Variants in SFRP1 observed in about 807,000 individuals in gnomAD.
SFRP1 encodes secreted frizzled related protein 1.
In SFRP1, 9 loss-of-function variants were observed where a neutral mutation model predicts 25.9. The ratio of observed to expected loss-of-function variants is 0.35; its 90% CI spans 0.21 to 0.61. The LOEUF (loss-of-function observed/expected upper bound fraction) is 0.61, where lower values mean the gene tolerates loss of function less well. SFRP1 is among the 20% of genes least tolerant of loss of function. The pLI, the probability that SFRP1 is intolerant of heterozygous loss-of-function variation, is 0.78. For synonymous variants in SFRP1, 178 were observed against 174.0 expected (o/e 1.02, Z -0.18); for missense variants, 346 against 418.2 (o/e 0.83, Z 1.51).
rs187325783 is a variant in SFRP1, at chr8:41,293,342, C to T, written c.622+10119G>A. 1.9e-3 allele frequency among the ~76,000 whole-genome samples: 293 copies of T among 152,350 alleles called. 1 individual carries two copies. The highest frequency in any genetic ancestry group is 6.8e-3 in the Middle Eastern group (2 of 294). On this transcript the variant is annotated intron_variant, in intron 2 of 2. Transcript: ENST00000220772. ...TCCCCCTCCCATGCCTTGATGCAGCCTTTGAGTCCCCACGCTGTGGGCCAG... is the reference window on the plus strand; with the variant it reads ...TCCCCCTCCCATGCCTTGATGCAGCTTTTGAGTCCCCACGCTGTGGGCCAG...
At chr8:41,275,118 G>A (rs1262028547) in intron 2 of SFRP1, 1 of 423,896 alleles carries the variant, frequency 2.4e-6, no homozygotes, top group African/African-American at 2.1e-5. Context: ...TATTTACTTA[G>A]AACTGGAAGA....
intron 2 of SFRP1, among the ~76,000 whole-genome samples, chr8:41,289,919 G>C (rs1249718976): frequency 1.3e-5 from 2 of 152,242 alleles, no homozygotes; most frequent in Non-Finnish European, 2.9e-5. Context: ...TGCTGGGGGA[G>C]GAAGTGACCC....
At chr8:41,283,555 A>C (rs1803661455) in intron 2 of SFRP1, among the ~76,000 whole-genome samples, 1 of 150,734 alleles carries the variant, frequency 6.6e-6, no homozygotes, top group Non-Finnish European at 1.5e-5. Flanking sequence ...ATAGAAACTA[A>C]AAAAAAAAAT....
rs1192144648 is a variant in SFRP1 at position 41,308,796 on chromosome 8, G to A, written c.364C>T (p.Leu122=). The A allele has an allele frequency of 6.2e-7, 1 of 1,611,094 alleles. No individual in the cohort carries two copies. Among genetic ancestry groups the A allele is most frequent in the Non-Finnish European group, 8.5e-7 (1 of 1,179,238 alleles). Residue 122 remains leucine (L), a synonymous_variant, in exon 1 of 3, where the codon CTG becomes TTG. Coordinates refer to ENST00000220772, the MANE Select transcript of SFRP1 (RefSeq NM_003012.5). ...FLCSLFAPVC[L]DRPIYPCRWL... ...CGACACGGGTAGATGGGCCGGTCCA[G>A]GCAGACGGGCGCGAAGAGCGAGCAG...
intron 2 of SFRP1, among the ~76,000 whole-genome samples, chr8:41,270,730 G>T (rs752812704): frequency 6.6e-6 from 1 of 151,586 alleles, no homozygotes; most frequent in Non-Finnish European, 1.5e-5. Flanking sequence ...GCTGGAGGTA[G>T]GAGAATCGCT....
At position 41,309,013 on chromosome 8, in the gene SFRP1, C is replaced by T; in HGVS notation, c.147G>A (p.Gly49=). ...ACTGAGGTGGCTTGGTGTAGAAGCG[C>T]CCGCTCTGGTACGGGCCGATGTCCG... is the stretch of plus-strand genomic sequence containing the variant. ...FQSDIGPYQS[G]RFYTKPPQCV... The change falls in exon 1 of 3, where the codon GGG becomes GGA. Residue 49 remains glycine, a synonymous_variant. Coordinates refer to ENST00000220772, the MANE Select transcript of SFRP1 (RefSeq NM_003012.5). 1.2e-6 allele frequency: 2 copies of T among 1,611,626 alleles called. No individual in the cohort carries two copies. The highest frequency in any genetic ancestry group is 1.7e-6 in the Non-Finnish European group (2 of 1,179,900).
At chr8:41,303,249 C>G (rs778260564) in intron 2 of SFRP1, among the ~76,000 whole-genome samples, 1 of 151,898 alleles carries the variant, frequency 6.6e-6, no homozygotes, top group Non-Finnish European at 1.5e-5. Context: ...CGATCCCCCA[C>G]AAAGGAGGGC....
chr8:41,266,816 G>T (rs1045495484), intron 2 of SFRP1, among the ~76,000 whole-genome samples: 13 of 152,248 alleles, frequency 8.5e-5, no homozygotes, highest in Non-Finnish European at 1.8e-4. Flanking sequence ...CTTGAAAATT[G>T]AGTCCTATAA....
chr8:41,290,196 C>T (rs536619003), intron 2 of SFRP1, among the ~76,000 whole-genome samples: 29 of 152,384 alleles, frequency 1.9e-4, no homozygotes, highest in African/African-American at 6.7e-4. Context: ...CCCAACTACA[C>T]ATAGGCATCG....
chr8:41,286,029 G>T (rs566877877), intron 2 of SFRP1, among the ~76,000 whole-genome samples: 4 of 151,168 alleles, frequency 2.6e-5, no homozygotes, highest in Non-Finnish European at 5.9e-5. Flanking sequence ...GCGGGGGGAG[G>T]GGGTGGGTGG....
chr8:41,300,737 G>A (rs1456059150), intron 2 of SFRP1, among the ~76,000 whole-genome samples: 2 of 152,178 alleles, frequency 1.3e-5, no homozygotes, highest in Non-Finnish European at 2.9e-5. Context: ...GTGGCACCCT[G>A]TTGTCACAGA....
intron 2 of SFRP1, among the ~76,000 whole-genome samples, chr8:41,269,685 C>T (rs908536606): frequency 6.6e-6 from 1 of 152,298 alleles, no homozygotes; most frequent in African/African-American, 2.4e-5. Context: ...AGACATCCTA[C>T]CCATGACTTT....
At chr8:41,297,468 A>G (rs745336220) in intron 2 of SFRP1, among the ~76,000 whole-genome samples, 1 of 152,182 alleles carries the variant, frequency 6.6e-6, no homozygotes, top group Non-Finnish European at 1.5e-5. Flanking sequence ...CCGCCCAACA[A>G]GCTGATTTCA....
Position 41,306,727 on chromosome 8 carries a change from C to A in SFRP1, c.544+1889G>T, listed in dbSNP as rs768651999. The A allele has an allele frequency of 3.1e-6, 5 of 1,597,846 alleles. No homozygotes were observed. The South Asian group carries it at 4.4e-5, about 14-fold the overall frequency. On this transcript the variant is annotated intron_variant, in intron 1 of 2. Transcript: ENST00000220772. ...TGTCTTGGGAGGGTGACTACCTGAG[C>A]GCTGCTGGGAGGAGTGGAGGTGAGT... is the stretch of plus-strand genomic sequence containing the variant.
At chr8:41,294,194 G>A (rs1042393876) in intron 2 of SFRP1, among the ~76,000 whole-genome samples, 1 of 152,128 alleles carries the variant, frequency 6.6e-6, no homozygotes, top group South Asian at 2.1e-4. Context: ...GAGGGAATGC[G>A]CTCTCTAGGC....
At chr8:41,285,404 CA>C (rs1323353685) in intron 2 of SFRP1, among the ~76,000 whole-genome samples, 2 of 152,150 alleles carry the variant, frequency 1.3e-5, no homozygotes, top group African/African-American at 2.4e-5. Flanking sequence ...CCCATGGGCT[CA>C]ATCAGCCTCC....
rs369905890 is a variant in SFRP1 at position 41,299,574 on chromosome 8, G to A, written c.622+3887C>T. 8.4e-5 allele frequency among the ~76,000 whole-genome samples: 2 copies of A among 23,748 alleles called. 1 individual carries two copies. The highest frequency in any genetic ancestry group is 1.7e-4 in the Non-Finnish European group (2 of 12,046). 15.6% of individuals were successfully genotyped at this position (23,748 alleles called of 152,430 possible). On this transcript the variant is annotated intron_variant, in intron 2 of 2. Coordinates refer to ENST00000220772, the MANE Select transcript of SFRP1 (RefSeq NM_003012.5). ...CCAGCATTTTGGGAGGCCAAGGTAG[G>A]GGGATCGCTTGAGCCCGGGGGGCGG...
chr8:41,288,448 G>T (rs1803734292), intron 2 of SFRP1, among the ~76,000 whole-genome samples: 1 of 146,186 alleles, frequency 6.8e-6, no homozygotes, highest in African/African-American at 2.5e-5. Flanking sequence ...GAGGCAGAAG[G>T]ATCGCTTGAG....
intron 1 of SFRP1, among the ~76,000 whole-genome samples, chr8:41,307,789 C>G (rs1804017016): frequency 6.6e-6 from 1 of 152,168 alleles, no homozygotes; most frequent in Admixed American, 6.5e-5. Flanking sequence ...AGAGGAACCT[C>G]GGGCCGGTCC....
Sources: allele counts gnomAD v4.1 joint callset (sites outside exome capture counted in the v4.1 genomes callset), GRCh38; gene constraint gnomAD v4.1.1; transcripts MANE v1.5; gene names NCBI Gene and HGNC (gene_info 2026-07-23, HGNC 2026-07-21).